KHDRBS2: variants seen among roughly 807,000 people sequenced by gnomAD.
KHDRBS2 encodes KH RNA binding domain containing, signal transduction associated 2, also known as KH domain-containing, RNA-binding, signal transduction-associated protein 2.
Under a neutral mutation model 44.3 loss-of-function variants are expected in KHDRBS2, and 26 were observed. That is an observed-to-expected ratio of 0.59 (90% CI 0.43 to 0.81). The LOEUF is 0.81. Ranked by LOEUF, KHDRBS2 falls within the 40% of genes least tolerant of loss-of-function variation. KHDRBS2 has a pLI of 0.00. For missense variants in KHDRBS2, 476 were observed against 433.1 expected (o/e 1.10, Z -0.88); for synonymous variants, 194 against 151.1 (o/e 1.28, Z -2.08).
intron 3 of KHDRBS2, among the ~76,000 whole-genome samples, chr6:62,041,681 A>G (rs1343861788): frequency 1.3e-5 from 2 of 152,140 alleles, no homozygotes; most frequent in Admixed American, 6.5e-5. Context: ...TGGCTGTGTC[A>G]TTAGGTCCCT....
At chr6:61,921,493 T>C (rs1458109813) in intron 4 of KHDRBS2, among the ~76,000 whole-genome samples, 1 of 152,034 alleles carries the variant, frequency 6.6e-6, no homozygotes, top group Non-Finnish European at 1.5e-5. Context: ...TAAATTGTTA[T>C]TACATTTTTT....
chr6:62,141,843 G>A (rs1458417560), intron 2 of KHDRBS2, among the ~76,000 whole-genome samples: 1 of 152,068 alleles, frequency 6.6e-6, no homozygotes, highest in East Asian at 1.9e-4. Flanking sequence ...AAGTTGATCT[G>A]CAGAGCTTTC....
the KHDRBS2 span, among the ~76,000 whole-genome samples, chr6:61,566,721 CT>C: frequency 0.59 from 89,799 of 151,824 alleles, 26,762 homozygotes; most frequent in African/African-American, 0.61. Flanking sequence ...AACGTTCGCT[CT>C]TTTTTTGAGC....
chr6:61,629,724 G>A, the KHDRBS2 span, among the ~76,000 whole-genome samples: 7 of 152,174 alleles, frequency 4.6e-5, no homozygotes, highest in East Asian at 7.7e-4. Context: ...AAACTATAAC[G>A]TTATAAAGCT....
intron 6 of KHDRBS2, among the ~76,000 whole-genome samples, chr6:61,829,335 T>C (rs1791427555): frequency 6.6e-6 from 1 of 152,154 alleles, no homozygotes; most frequent in African/African-American, 2.4e-5. Flanking sequence ...CTAAATTTTT[T>C]TGTATTTTAA....
At chr6:62,169,298 C>T (rs768619241) in intron 2 of KHDRBS2, among the ~76,000 whole-genome samples, 14 of 150,870 alleles carry the variant, frequency 9.3e-5, no homozygotes, top group East Asian at 2.0e-4. Flanking sequence ...ATAGGCAGTG[C>T]GCCTAGAATC....
chr6:61,782,736 TATAC>T (rs1407750433), intron 6 of KHDRBS2, among the ~76,000 whole-genome samples: 2 of 109,808 alleles, frequency 1.8e-5, no homozygotes, highest in African/African-American at 6.1e-5. Flanking sequence ...TATATATATA[TATAC>T]ACACACACAT....
the KHDRBS2 span, among the ~76,000 whole-genome samples, chr6:61,543,419 A>C: frequency 6.6e-6 from 1 of 152,056 alleles, no homozygotes; most frequent in Non-Finnish European, 1.5e-5. Context: ...CAGTTAAAAC[A>C]GCTTTTATCC....
intron 2 of KHDRBS2, among the ~76,000 whole-genome samples, chr6:62,101,419 G>A (rs748159281): frequency 6.6e-5 from 10 of 152,102 alleles, no homozygotes; most frequent in Admixed American, 2.0e-4. Context: ...CAGGATTTAC[G>A]TAGAGGTAGG....
the KHDRBS2 span, among the ~76,000 whole-genome samples, chr6:61,607,537 A>AAAAAAAAAAAAAAAAG: frequency 6.8e-6 from 1 of 147,566 alleles, no homozygotes; most frequent in Non-Finnish European, 1.5e-5. Flanking sequence ...AAAAAAAAAA[A>AAAAAAAAAAAAAAAAG]AAAAAAAAGA....
At chr6:61,544,738 T>A in the KHDRBS2 span, among the ~76,000 whole-genome samples, 1 of 152,160 alleles carries the variant, frequency 6.6e-6, no homozygotes, top group Non-Finnish European at 1.5e-5. Flanking sequence ...CACCATGGAA[T>A]ACTATGCAGC....
At chr6:61,977,071 C>A (rs1343486010) in intron 4 of KHDRBS2, among the ~76,000 whole-genome samples, 1 of 152,048 alleles carries the variant, frequency 6.6e-6, no homozygotes, top group Admixed American at 6.6e-5. Context: ...GATCTTGATG[C>A]TTTTAAATTC....
chr6:61,770,820 C>T (rs1278769099), intron 6 of KHDRBS2, among the ~76,000 whole-genome samples: 1 of 152,114 alleles, frequency 6.6e-6, no homozygotes, highest in Non-Finnish European at 1.5e-5. Flanking sequence ...CATTCAAATT[C>T]AGGAAATACA....
chr6:62,038,749 G>C (rs968641795), intron 3 of KHDRBS2, among the ~76,000 whole-genome samples: 6 of 151,856 alleles, frequency 4.0e-5, no homozygotes, highest in African/African-American at 7.3e-5. Context: ...AAAAAACATG[G>C]CTTATATTGG....
intron 3 of KHDRBS2, among the ~76,000 whole-genome samples, chr6:61,978,495 A>G (rs1562570798): frequency 2.0e-5 from 3 of 152,110 alleles, no homozygotes; most frequent in Admixed American, 1.3e-4. Context: ...AAAATAAGTC[A>G]CAGAATTGCC....
intron 6 of KHDRBS2, among the ~76,000 whole-genome samples, chr6:61,872,655 G>A (rs557852388): frequency 2.6e-5 from 4 of 152,146 alleles, no homozygotes; most frequent in African/African-American, 9.6e-5. Flanking sequence ...CAAATAACTC[G>A]ATATCATAAA....
the KHDRBS2 span, among the ~76,000 whole-genome samples, chr6:61,588,415 A>C: frequency 6.6e-6 from 1 of 152,210 alleles, no homozygotes; most frequent in African/African-American, 2.4e-5. Context: ...TATGGTGACT[A>C]TGATTATTGT....
At chr6:61,609,411 C>G in the KHDRBS2 span, among the ~76,000 whole-genome samples, 2 of 152,156 alleles carry the variant, frequency 1.3e-5, no homozygotes, top group South Asian at 2.1e-4. Context: ...AAAAGAGTAA[C>G]TATAATGATG....
chr6:62,069,731 T>A (rs1381531832), intron 2 of KHDRBS2, among the ~76,000 whole-genome samples: 1 of 151,830 alleles, frequency 6.6e-6, no homozygotes, highest in Non-Finnish European at 1.5e-5. Flanking sequence ...AGGAGATGGT[T>A]ATAAATTATT....
Sources: gnomAD v4.1 joint callset for allele counts (sites outside exome capture counted in the v4.1 genomes callset) on GRCh38, gnomAD v4.1.1 for gene constraint, MANE v1.5 for transcripts, NCBI Gene and HGNC (gene_info 2026-07-23, HGNC 2026-07-21) for gene names.